IL1A: variants seen among roughly 807,000 people sequenced by gnomAD.
The protein encoded by IL1A is interleukin-1 alpha.
Under a neutral mutation model 22.2 loss-of-function variants are expected in IL1A, and 16 were observed. The observed-to-expected ratio is 0.72, with a 90% CI of 0.49 to 1.09. IL1A has a LOEUF of 1.09. IL1A is among the 50% of genes least tolerant of loss of function. The pLI, the probability that IL1A is intolerant of heterozygous loss-of-function variation, is 0.00. For missense variants in IL1A, 317 were observed against 321.8 expected, an observed-to-expected ratio of 0.99 and a Z score of 0.11; for synonymous variants, 113 against 118.5, an observed-to-expected ratio of 0.95 and a Z score of 0.30.
chr2:112,778,903 C>A (rs1243854258), intron 5 of IL1A, among the ~76,000 whole-genome samples: 1 of 152,208 alleles, frequency 6.6e-6, no homozygotes, highest in Non-Finnish European at 1.5e-5. Context: ...AATTGCCTCT[C>A]TGGACCTTTG....
chr2:112,779,463 A>G (rs1485419776), intron 5 of IL1A, 33 bp downstream of exon 5: 1 of 1,499,772 alleles, frequency 6.7e-7, no homozygotes, highest in African/African-American at 1.4e-5. Flanking sequence ...GGAGGGGAGG[A>G]TGACAGAAAT....
At chr2:112,777,410 C>T (rs1681118268) in intron 6 of IL1A, among the ~76,000 whole-genome samples, 1 of 152,182 alleles carries the variant, frequency 6.6e-6, no homozygotes, top group South Asian at 2.1e-4. Flanking sequence ...CAAATTGAGT[C>T]ACCTACTTAT....
chr2:112,777,660 T>C (rs1446461808), intron 6 of IL1A, among the ~76,000 whole-genome samples: 1 of 152,194 alleles, frequency 6.6e-6, no homozygotes, highest in Non-Finnish European at 1.5e-5. Flanking sequence ...GGCCACATTG[T>C]CCTAATGTCT....
intron 5 of IL1A, 117 bp downstream of exon 5, chr2:112,779,379 G>T: frequency 1.3e-6 from 1 of 775,418 alleles, no homozygotes. Context: ...TGGAAGAATT[G>T]TGCAACCCAG....
At chr2:112,780,231 CA>C (rs1273743792) in intron 4 of IL1A, among the ~76,000 whole-genome samples, 1 of 152,082 alleles carries the variant, frequency 6.6e-6, no homozygotes, top group African/African-American at 2.4e-5. Context: ...AAAATGTCCT[CA>C]ATACATTGCT....
At chr2:112,778,798 GA>G (rs2104907803) in intron 5 of IL1A, among the ~76,000 whole-genome samples, 1 of 152,298 alleles carries the variant, frequency 6.6e-6, no homozygotes, top group East Asian at 1.9e-4. Context: ...ATATTAAGTA[GA>G]AAAATAGAAC....
chr2:112,781,702 A>G lies in IL1A; in HGVS notation c.221T>C (p.Val74Ala), dbSNP rs1364674190. The change falls in exon 4 of 7, where the codon GTA becomes GCA. Residue 74 changes from valine to alanine, a missense_variant. Val to Ala is a moderately conservative substitution (Grantham distance 64). Transcript: ENST00000263339. Reference protein sequence around the residue: ...KLTFKESMVVVATNGKVLKKR... With the variant: ...KLTFKESMVVAATNGKVLKKR... ...CTTCAGAACCTTCCCGTTGGTTGCT[A>G]CTACCACCATGCTCTCCTTGAAGGT... is the stretch of plus-strand genomic sequence containing the variant. The G allele has an allele frequency of 3.4e-5, 55 of 1,614,036 alleles. No individual in the cohort carries two copies. Among genetic ancestry groups the G allele is most frequent in the Non-Finnish European group, 4.5e-5 (53 of 1,179,984 alleles).
chr2:112,782,890 A>G, intron 2 of IL1A, 126 bp from the exon 3 acceptor site: 1 of 664,572 alleles, frequency 1.5e-6, no homozygotes, highest in Non-Finnish European at 2.7e-6. Context: ...TCATCTTTGA[A>G]ATTTAAGGAC....
chr2:112,777,922 A>G (rs1681126663), intron 6 of IL1A, 65 bp downstream of exon 6: 9 of 1,556,614 alleles, frequency 5.8e-6, no homozygotes, highest in Admixed American at 3.4e-5. Flanking sequence ...GTGTCTGCCT[A>G]TTGGGCTTAT....
At chr2:112,778,232 G>T in intron 5 of IL1A, 121 bp from the exon 6 acceptor site, 1 of 731,640 alleles carries the variant, frequency 1.4e-6, no homozygotes, top group Non-Finnish European at 2.2e-6. Flanking sequence ...GTGTGTGTGT[G>T]TAGTTAGGTC....
In IL1A at chr2:112,781,485, G is replaced by T. The variant is rs1681197711; in HGVS notation, c.319+119C>A. 12 of 815,646 alleles carry T rather than the reference G, an allele frequency of 1.5e-5. 2 individuals carry two copies. In the South Asian group the frequency reaches 1.7e-4, roughly 12 times the overall value. The allele number at this position is 815,646 out of a possible 1,614,324, so 50.5% of individuals were successfully genotyped here. A position where few individuals can be genotyped will look rare whatever the true frequency, so the allele number is the denominator to read the frequency against. On this transcript the variant is annotated intron_variant, in intron 4 of 6. Transcript: ENST00000263339. ...TTAATTTTCCTCTGTATAGTTACCA[G>T]ACTAATGCTTGGTTGTCTTCTTGTT...
Position 112,775,152 on chromosome 2 carries a change from A to G in IL1A, c.731T>C (p.Ile244Thr). The change falls in exon 7 of 7, where the codon ATT becomes ACT. Residue 244 changes from isoleucine to threonine, a missense_variant. Transcript: ENST00000263339. The part of the protein sequence containing the change: ...FTSVAHPNLF[I>T]ATKQDYWVCL... Reference sequence around the variant, plus strand: ...CACCCAGTAGTCTTGCTTTGTGGCAATAAACAAGTTTGGATGGGCAACTGA... The same window carrying G: ...CACCCAGTAGTCTTGCTTTGTGGCAGTAAACAAGTTTGGATGGGCAACTGA... The G allele has an allele frequency of 6.2e-7, 1 of 1,614,220 alleles. No homozygotes were observed. The highest frequency in any genetic ancestry group is 8.5e-7 in the Non-Finnish European group (1 of 1,180,020).
In IL1A at chr2:112,775,191, T is replaced by G. The variant is rs1306038505; in HGVS notation, c.692A>C (p.Lys231Thr). The G allele has an allele frequency of 1.9e-6, 3 of 1,614,098 alleles. No homozygotes were observed. Among genetic ancestry groups the G allele is most frequent in the Non-Finnish European group, 2.5e-6 (3 of 1,180,034 alleles). Residue 231 changes from lysine to threonine, a missense_variant, in exon 7 of 7, where the codon AAG becomes ACG. By Grantham distance (78) the Lys-to-Thr change is moderately conservative. Transcript: ENST00000263339. ...ATGGGCAACTGATGTGAAATAGTTC[T>G]TAGTGCCGTGAGTTTCCCAGAAGAA... ...LLFFWETHGT[K>T]NYFTSVAHPN...
At position 112,775,180 on chromosome 2, in the gene IL1A, T is replaced by A. The variant is rs1681079262; in HGVS notation, c.703A>T (p.Thr235Ser). The change falls in exon 7 of 7, where the codon ACA becomes TCA. Residue 235 changes from threonine to serine, a missense_variant. Coordinates refer to ENST00000263339, the MANE Select transcript of IL1A (RefSeq NM_000575.5). Reference sequence around the variant, plus strand: ...AACAAGTTTGGATGGGCAACTGATGTGAAATAGTTCTTAGTGCCGTGAGTT... The same window carrying A: ...AACAAGTTTGGATGGGCAACTGATGAGAAATAGTTCTTAGTGCCGTGAGTT... ...WETHGTKNYF[T>S]SVAHPNLFIA... 1.9e-6 allele frequency: 3 copies of A among 1,614,072 alleles called. No homozygotes were observed. The highest frequency in any genetic ancestry group is 2.5e-6 in the Non-Finnish European group (3 of 1,180,020).
intron 6 of IL1A, among the ~76,000 whole-genome samples, chr2:112,777,336 T>C (rs1681117081): frequency 6.6e-6 from 1 of 152,202 alleles, no homozygotes; most frequent in African/African-American, 2.4e-5. Flanking sequence ...TTGATCCAGG[T>C]AGAAAAGCAC....
At position 112,778,002 on chromosome 2, in the gene IL1A, T is replaced by A. The variant is rs749305889; in HGVS notation, c.600A>T (p.Gln200His). Reference protein sequence around the residue: ...QLYVTAQDEDQPVLLKEMPEI... With the variant: ...QLYVTAQDEDHPVLLKEMPEI... ...GACAACTGACCTTCAGCAGCACTGG[T>A]TGGTCTTCATCTTGGGCAGTCACAT... The change falls in exon 6 of 7, where the codon CAA becomes CAT. Residue 200 changes from glutamine to histidine, a missense_variant. Coordinates refer to ENST00000263339, the MANE Select transcript of IL1A (RefSeq NM_000575.5). The A allele has an allele frequency of 6.2e-7, 1 of 1,614,142 alleles. No individual in the cohort carries two copies. The highest frequency in any genetic ancestry group is 1.3e-5 in the African/African-American group (1 of 75,030).
chr2:112,777,692 T>C lies in IL1A; in HGVS notation c.615+295A>G, dbSNP rs532410298. ...GTCTAGTATTGTGTAGGTCAGATAA[T>C]AGATGTCAGTAAAGATCAATGGAAT... On this transcript the variant is annotated intron_variant, in intron 6 of 6. Transcript: ENST00000263339. Among the ~76,000 whole-genome samples, 114 of 152,178 alleles carry C rather than the reference T, an allele frequency of 7.5e-4. 1 individual carries two copies. In the Middle Eastern group the frequency reaches 0.02, roughly 27 times the overall value.
chr2:112,781,019 C>CA lies in IL1A; in HGVS notation c.319+584dup, dbSNP rs1448538263. Reference sequence around the variant, plus strand: ...TGGGTGACAGAGCCAGACTCCATCTCAAAAAAATAAAATAAAATAATAATA... The same window carrying CA: ...TGGGTGACAGAGCCAGACTCCATCTCAAAAAAAATAAAATAAAATAATAATA... On this transcript the variant is annotated intron_variant, in intron 4 of 6. Coordinates refer to ENST00000263339, the MANE Select transcript of IL1A (RefSeq NM_000575.5). 2.0e-3 allele frequency among the ~76,000 whole-genome samples: 298 copies of CA among 147,500 alleles called. 2 individuals carry two copies. The highest frequency in any genetic ancestry group is 6.4e-3 in the African/African-American group (255 of 39,598).
At chr2:112,782,296 C>T (rs3783575) in intron 3 of IL1A, among the ~76,000 whole-genome samples, 2,830 of 152,350 alleles carry the variant, frequency 0.019, 76 homozygotes, top group African/African-American at 0.064. Context: ...GTAGACTTCT[C>T]ACTTTCAACT....
Sources: allele counts gnomAD v4.1 joint callset (sites outside exome capture counted in the v4.1 genomes callset), GRCh38; gene constraint gnomAD v4.1.1; transcripts MANE v1.5; gene names NCBI Gene and HGNC (gene_info 2026-07-23, HGNC 2026-07-21).